The following SLC2A9 variants were observed in gnomAD, a reference collection of about 807,000 sequenced individuals.
SLC2A9 encodes solute carrier family 2, facilitated glucose transporter member 9.
SLC2A9 carries 39 observed loss-of-function variants against 50.6 expected under a neutral mutation model. That is an observed-to-expected ratio of 0.77 (90% CI 0.60 to 1.01). SLC2A9 has a LOEUF of 1.01. SLC2A9 is among the 50% of genes least tolerant of loss of function. The pLI is 0.00. For missense variants in SLC2A9, 686 were observed against 677.6 expected (o/e 1.01, Z -0.14); for synonymous variants, 324 against 276.9 (o/e 1.17, Z -1.69).
chr4:9,880,918 C>T (rs1029091820), intron 10 of SLC2A9, among the ~76,000 whole-genome samples: 10 of 152,120 alleles, frequency 6.6e-5, no homozygotes, highest in Admixed American at 6.5e-5. Flanking sequence ...GCAGGTCTGC[C>T]CTGTGAAATT....
At chr4:9,853,331 A>G (rs1577539542) in intron 10 of SLC2A9, among the ~76,000 whole-genome samples, 1 of 47,178 alleles carries the variant, frequency 2.1e-5, no homozygotes, top group East Asian at 6.9e-4. Context: ...TGGAAAACAG[A>G]AAAAAATCAG....
At chr4:9,882,411 C>T (rs1478648148) in intron 10 of SLC2A9, among the ~76,000 whole-genome samples, 1 of 152,118 alleles carries the variant, frequency 6.6e-6, no homozygotes, top group East Asian at 1.9e-4. Flanking sequence ...TGCCTCTTAG[C>T]TATGTGATTT....
At position 9,879,628 on chromosome 4, in the gene SLC2A9, C is replaced by G. The variant is rs560627433; in HGVS notation, c.1291+7939G>C. Reference sequence around the variant, plus strand: ...CGCTCCATCTTCTGGGGTGCTCAGACCTTAATTCGCACCTTGATAATGGCA... The same window carrying G: ...CGCTCCATCTTCTGGGGTGCTCAGAGCTTAATTCGCACCTTGATAATGGCA... On this transcript the variant is annotated intron_variant, in intron 10 of 11. Coordinates refer to ENST00000264784, the MANE Select transcript of SLC2A9 (RefSeq NM_020041.3). 7 of 985,380 alleles carry G rather than the reference C, an allele frequency of 7.1e-6. No homozygotes were observed. In the African/African-American group the frequency reaches 1.0e-4, roughly 15 times the overall value. 61.0% of individuals were successfully genotyped at this position (985,380 alleles called of 1,614,324 possible).
downstream of SLC2A9, among the ~76,000 whole-genome samples, chr4:9,825,496 C>T (rs962451266): frequency 1.3e-5 from 2 of 150,770 alleles, no homozygotes; most frequent in African/African-American, 4.9e-5. Context: ...CACTCTGAGC[C>T]CCACACTTGT....
chr4:9,813,744 C>A (rs1249530913), intron 3 of SLC2A9, among the ~76,000 whole-genome samples: 1 of 152,128 alleles, frequency 6.6e-6, no homozygotes, highest in African/African-American at 2.4e-5. Context: ...AAGAATCTAG[C>A]ACAGACTGGG....
chr4:9,773,537 T>C (rs1348317297), intron 1 of SLC2A9, among the ~76,000 whole-genome samples: 2 of 152,302 alleles, frequency 1.3e-5, no homozygotes, highest in East Asian at 3.9e-4. Flanking sequence ...GCTAACTGGA[T>C]TAGGAAAACT....
intron 2 of SLC2A9, among the ~76,000 whole-genome samples, chr4:10,011,254 C>T (rs3796833): frequency 0.32 from 48,844 of 152,024 alleles, 9,119 homozygotes; most frequent in African/African-American, 0.51. Flanking sequence ...TTTGCCCAGG[C>T]ACCACCATCC....
chr4:9,970,680 T>TAA (rs57630133), intron 5 of SLC2A9, among the ~76,000 whole-genome samples: 23 of 147,964 alleles, frequency 1.6e-4, no homozygotes, highest in Admixed American at 2.0e-4. Flanking sequence ...GACACAAAAT[T>TAA]AAAAAAAAAA....
At chr4:10,019,138 T>G in intron 1 of SLC2A9, 65 bp from the exon 2 acceptor site, 1 of 1,324,948 alleles carries the variant, frequency 7.5e-7, no homozygotes, top group Non-Finnish European at 1.1e-6. Context: ...AGGGAAGACC[T>G]GGAACGTTCC....
At chr4:9,803,743 C>A (rs556652458) in intron 3 of SLC2A9, among the ~76,000 whole-genome samples, 1 of 152,340 alleles carries the variant, frequency 6.6e-6, no homozygotes, top group South Asian at 2.1e-4. Flanking sequence ...GAACTGAGTT[C>A]TTCATTGTCC....
downstream of SLC2A9, among the ~76,000 whole-genome samples, chr4:9,776,191 T>C (rs1255062187): frequency 6.6e-6 from 1 of 150,706 alleles, no homozygotes. Flanking sequence ...TTCTTTCTTT[T>C]TTTTTTTTTT....
chr4:9,974,452 T>C (rs1754435760), intron 5 of SLC2A9, among the ~76,000 whole-genome samples: 1 of 152,028 alleles, frequency 6.6e-6, no homozygotes, highest in Non-Finnish European at 1.5e-5. Flanking sequence ...ATCAGTAGTA[T>C]TTCTATACAC....
At chr4:9,783,923 C>T (rs1450036760) in intron 3 of SLC2A9, 3 of 173,252 alleles carry the variant, frequency 1.7e-5, no homozygotes, top group African/African-American at 7.2e-5. Flanking sequence ...GTCATTTCTT[C>T]TCTCTGTGCT....
intron 8 of SLC2A9, among the ~76,000 whole-genome samples, chr4:9,904,574 C>T (rs1462811991): frequency 1.3e-5 from 2 of 152,204 alleles, no homozygotes; most frequent in African/African-American, 2.4e-5. Flanking sequence ...ATATTCCCAG[C>T]TTCTGGGAAT....
At chr4:9,895,564 T>C (rs940437171) in intron 8 of SLC2A9, among the ~76,000 whole-genome samples, 3 of 152,226 alleles carry the variant, frequency 2.0e-5, no homozygotes, top group Admixed American at 1.3e-4. Context: ...TCTGGAGCCA[T>C]GGGGTCACCC....
At chr4:9,894,571 T>C (rs757485248) in intron 8 of SLC2A9, among the ~76,000 whole-genome samples, 1 of 152,234 alleles carries the variant, frequency 6.6e-6, no homozygotes, top group Non-Finnish European at 1.5e-5. Context: ...TATTATGTCT[T>C]TATTCTTTCC....
intron 10 of SLC2A9, among the ~76,000 whole-genome samples, chr4:9,886,453 T>C (rs1736265340): frequency 6.6e-6 from 1 of 150,786 alleles, no homozygotes; most frequent in South Asian, 2.1e-4. Context: ...TGTGTGTGTG[T>C]GTGTGTGTGT....
chr4:10,023,439 C>T (rs1440421544), upstream of SLC2A9, among the ~76,000 whole-genome samples: 2 of 152,214 alleles, frequency 1.3e-5, no homozygotes, highest in Non-Finnish European at 2.9e-5. Flanking sequence ...CCTGTTTCCT[C>T]ATCTGTAACA....
At chr4:9,909,477 C>G (rs182914230) in intron 7 of SLC2A9, among the ~76,000 whole-genome samples, 2 of 152,136 alleles carry the variant, frequency 1.3e-5, no homozygotes, top group Admixed American at 1.3e-4. Flanking sequence ...CTAATTGATG[C>G]CCATGGCATC....
Sources: allele counts gnomAD v4.1 joint callset (sites outside exome capture counted in the v4.1 genomes callset), GRCh38; gene constraint gnomAD v4.1.1; transcripts MANE v1.5; gene names NCBI Gene and HGNC (gene_info 2026-07-23, HGNC 2026-07-21).